The following TRANK1 variants were observed in gnomAD, a reference collection of about 807,000 sequenced individuals.
TRANK1 encodes tetratricopeptide repeat and ankyrin repeat containing 1.
A neutral mutation model predicts 266.0 loss-of-function variants in TRANK1; 198 were observed. That is an observed-to-expected ratio of 0.74 (90% confidence interval 0.66 to 0.84). TRANK1 has a LOEUF of 0.84. TRANK1 is among the 40% of genes least tolerant of loss of function. The probability of loss-of-function intolerance (pLI) is 0.00; values close to 1 mark genes in which losing one functional copy is unlikely to be tolerated. For missense variants in TRANK1, 3,326 were observed against 3,634.6 expected, an observed-to-expected ratio of 0.92 and a Z score of 2.18; for synonymous variants, 1,396 against 1,384.1, an observed-to-expected ratio of 1.01 and a Z score of -0.19.
intron 10 of TRANK1, among the ~76,000 whole-genome samples, chr3:36,862,702 A>G (rs753069197): frequency 5.0e-4 from 76 of 152,328 alleles, no homozygotes; most frequent in Middle Eastern, 3.4e-3. Flanking sequence ...AAAGAGAGAG[A>G]CAGACGGGTC....
intron 5 of TRANK1, among the ~76,000 whole-genome samples, chr3:36,893,356 T>C (rs1172953671): frequency 6.6e-6 from 1 of 152,004 alleles, no homozygotes; most frequent in African/African-American, 2.4e-5. Flanking sequence ...TTTAGAAATA[T>C]CCCATCCCAA....
At position 36,856,354 on chromosome 3, in the gene TRANK1, G is replaced by A; in HGVS notation, c.3368C>T (p.Pro1123Leu). 2.5e-6 allele frequency: 4 copies of A among 1,577,634 alleles called. No homozygotes were observed. The highest frequency in any genetic ancestry group is 3.4e-6 in the Non-Finnish European group (4 of 1,161,854). Residue 1123 changes from proline (P) to leucine (L), a missense_variant, in exon 13 of 24, where the codon CCC (proline) becomes CTC (leucine). Coordinates refer to ENST00000645898, the MANE Select transcript of TRANK1 (RefSeq NM_001329998.2). ...VWLKRRLEVE[P>L]GKESPGGEEE... ...CTCCCCACCTGGACTCTCTTTTCCG[G>A]GTTCCACTTCCAACCTTCTCTTCAG...
At chr3:36,915,252 A>G (rs1387758126) in intron 1 of TRANK1, among the ~76,000 whole-genome samples, 1 of 152,148 alleles carries the variant, frequency 6.6e-6, no homozygotes, top group Non-Finnish European at 1.5e-5. Flanking sequence ...CGCCAGGCCT[A>G]CCTATTTTAT....
chr3:36,860,584 G>A (rs1035220583), intron 11 of TRANK1, among the ~76,000 whole-genome samples: 2 of 152,214 alleles, frequency 1.3e-5, no homozygotes, highest in Non-Finnish European at 2.9e-5. Context: ...AGGTCAGGAG[G>A]AAATGACTGC....
chr3:36,868,379 C>T (rs541237587), intron 9 of TRANK1, among the ~76,000 whole-genome samples: 2 of 152,244 alleles, frequency 1.3e-5, no homozygotes, highest in East Asian at 3.9e-4. Context: ...TGATGACTTA[C>T]TGTGTATATA....
chr3:36,937,341 T>G (rs923236167), intron 1 of TRANK1, among the ~76,000 whole-genome samples: 9 of 152,366 alleles, frequency 5.9e-5, no homozygotes, highest in Admixed American at 5.9e-4. Context: ...GCACTTACTA[T>G]GTGCCCAGCC....
Position 36,879,889 on chromosome 3 carries a change from C to CATACAAATAT in TRANK1, c.908-5594_908-5593insATATTTGTAT, listed in dbSNP as rs1559449219. 2.1e-3 allele frequency among the ~76,000 whole-genome samples: 41 copies of CATACAAATAT among 19,816 alleles called. 1 individual carries two copies. Among genetic ancestry groups the CATACAAATAT allele is most frequent in the East Asian group, 9.6e-3 (8 of 834 alleles). 13.0% of individuals were successfully genotyped at this position (19,816 alleles called of 152,430 possible). On this transcript the variant is annotated intron_variant, in intron 8 of 23. Coordinates refer to ENST00000645898, the MANE Select transcript of TRANK1 (RefSeq NM_001329998.2). ...ATGTAAACATACAAATATATGTAAA[C>CATACAAATAT]ATGCAAATATATGTAAACATGCAAA...
intron 16 of TRANK1, among the ~76,000 whole-genome samples, chr3:36,846,981 G>C (rs58557581): frequency 6.6e-6 from 1 of 151,932 alleles, no homozygotes; most frequent in Non-Finnish European, 1.5e-5. Flanking sequence ...TTCTCCTTCC[G>C]TTTTCAGACA....
Position 36,856,550 on chromosome 3 carries a change from C to A in TRANK1, c.3172G>T (p.Glu1058Ter). The A allele has an allele frequency of 6.2e-7, 1 of 1,614,040 alleles. No homozygotes were observed. Among genetic ancestry groups the A allele is most frequent in the Non-Finnish European group, 8.5e-7 (1 of 1,179,910 alleles). Reference sequence around the variant, plus strand: ...GGATTGAGGTCGATCACCGCGTACTCAAGCTCACCCACCCGGAAGGGGTAC... The same window carrying A: ...GGATTGAGGTCGATCACCGCGTACTAAAGCTCACCCACCCGGAAGGGGTAC... ...VEYPFRVGEL[E>*]YAVIDLNPRP... The change falls in exon 13 of 24, where the codon GAG (glutamate) becomes TAG (stop). Residue 1058 changes from glutamate to a stop codon, truncating the protein, a stop_gained. Coordinates refer to ENST00000645898, the MANE Select transcript of TRANK1 (RefSeq NM_001329998.2). LOFTEE classifies it high-confidence loss of function.
intron 10 of TRANK1, among the ~76,000 whole-genome samples, chr3:36,861,383 G>A (rs747032960): frequency 2.0e-4 from 30 of 152,298 alleles, no homozygotes; most frequent in Non-Finnish European, 4.4e-4. Context: ...CCCTGGCCCA[G>A]GAGACAGAAG....
At chr3:36,918,468 GAAGAAAGAAAGAAAGAAAGAAAGA>G (rs148120910) in intron 1 of TRANK1, among the ~76,000 whole-genome samples, 666 of 31,140 alleles carry the variant, frequency 0.021, 37 homozygotes, top group East Asian at 0.086. Flanking sequence ...AGAAAGAAAA[GAAGAAAGAAAGAAAGAAAGAAAGA>G]AAGAAAGAAA....
intron 23 of TRANK1, among the ~76,000 whole-genome samples, chr3:36,829,056 T>G (rs1286230821): frequency 1.3e-5 from 2 of 152,216 alleles, no homozygotes; most frequent in Non-Finnish European, 2.9e-5. Context: ...GGAGAGAAAG[T>G]GCTTCATTCT....
At position 36,847,280 on chromosome 3, in the gene TRANK1, G is replaced by A. The variant is rs370789776; in HGVS notation, c.4954C>T (p.Arg1652Trp). 15 of 1,613,452 alleles carry A rather than the reference G, an allele frequency of 9.3e-6. No individual in the cohort carries two copies. Among genetic ancestry groups the A allele is most frequent in the African/African-American group, 5.3e-5 (4 of 74,874 alleles). ...TCCAGGGGTACTTCAACCAATGGCC[G>A]GTTTTCCTCTCTGGAGTCAGTTGAG... ...PTSTDSREEN[R>W]PLVEVPLDKP... Residue 1652 changes from arginine to tryptophan, a missense_variant, in exon 16 of 24, where the codon CGG (arginine) becomes TGG (tryptophan). Coordinates refer to ENST00000645898, the MANE Select transcript of TRANK1 (RefSeq NM_001329998.2).
chr3:36,904,257 G>A (rs956493276), intron 2 of TRANK1, among the ~76,000 whole-genome samples: 15 of 152,060 alleles, frequency 9.9e-5, no homozygotes, highest in Non-Finnish European at 1.8e-4. Context: ...TAGGCCAGGC[G>A]CAGTGGCTCA....
Position 36,856,110 on chromosome 3 carries a change from C to T in TRANK1, c.3612G>A (p.Glu1204=), listed in dbSNP as rs1417658337. Residue 1204 remains glutamate, a synonymous_variant, in exon 13 of 24, where the codon GAG becomes GAA. Coordinates refer to ENST00000645898, the MANE Select transcript of TRANK1 (RefSeq NM_001329998.2). ...AAAGCTCAATGAAATTCCTTTGTAC[C>T]TCCTGGCACAGCACATGGTTCTTGG... The part of the protein sequence containing the change: ...FVTKNHVLCQ[E]VQRNFIELSK... 9 of 1,613,768 alleles carry T rather than the reference C, an allele frequency of 5.6e-6. No individual in the cohort carries two copies. Among genetic ancestry groups the T allele is most frequent in the Non-Finnish European group, 7.6e-6 (9 of 1,179,870 alleles).
intron 1 of TRANK1, among the ~76,000 whole-genome samples, chr3:36,934,877 T>A (rs2080403670): frequency 6.6e-6 from 1 of 152,182 alleles, no homozygotes; most frequent in South Asian, 2.1e-4. Flanking sequence ...AGAATAGCTA[T>A]CCCTGAGTTG....
chr3:36,904,820 A>T (rs945464945), intron 2 of TRANK1, among the ~76,000 whole-genome samples: 1 of 151,726 alleles, frequency 6.6e-6, no homozygotes, highest in African/African-American at 2.4e-5. Flanking sequence ...CATCCCAGAC[A>T]CTCTGGCCAG....
chr3:36,858,928 C>G (rs1316153967), intron 11 of TRANK1, 34 bp from the exon 12 acceptor site: 1 of 1,501,622 alleles, frequency 6.7e-7, no homozygotes, highest in Non-Finnish European at 8.9e-7. Context: ...GCAATGTGAG[C>G]AGGCACAGCC....
At chr3:36,891,511 T>C (rs1337257075) in intron 7 of TRANK1, among the ~76,000 whole-genome samples, 1 of 152,202 alleles carries the variant, frequency 6.6e-6, no homozygotes, top group Non-Finnish European at 1.5e-5. Context: ...ACAAGTTCTC[T>C]CGGCCCTTTC....
Sources: gnomAD v4.1 joint callset for allele counts (sites outside exome capture counted in the v4.1 genomes callset) on GRCh38, gnomAD v4.1.1 for gene constraint, MANE v1.5 for transcripts, NCBI Gene and HGNC (gene_info 2026-07-23, HGNC 2026-07-21) for gene names.